FRMD4A: variants seen among roughly 807,000 people sequenced by gnomAD.
FRMD4A encodes FERM domain-containing protein 4A.
A neutral mutation model predicts 129.1 loss-of-function variants in FRMD4A; 29 were observed. The ratio of observed to expected loss-of-function variants is 0.22; its 90% CI spans 0.17 to 0.31. FRMD4A has a LOEUF of 0.31. Ranked by LOEUF, FRMD4A falls within the 10% of genes least tolerant of loss-of-function variation. The probability of loss-of-function intolerance (pLI) is 1.00; values close to 1 mark genes in which losing one functional copy is unlikely to be tolerated. For missense variants in FRMD4A, 1,272 were observed against 1,375.8 expected (o/e 0.92, Z 1.19); for synonymous variants, 634 against 571.6 (o/e 1.11, Z -1.56).
At chr10:13,728,573 C>CTGTTTTTTTTTTTTTTTTTTT in intron 12 of FRMD4A, among the ~76,000 whole-genome samples, 1 of 78,372 alleles carries the variant, frequency 1.3e-5, no homozygotes, top group Non-Finnish European at 2.4e-5. Context: ...GATTACCATT[C>CTGTTTTTTTTTTTTTTTTTTT]TTTTTTTTTT....
chr10:13,937,504 A>G (rs1198906143), intron 2 of FRMD4A, among the ~76,000 whole-genome samples: 2 of 152,224 alleles, frequency 1.3e-5, no homozygotes, highest in Admixed American at 1.3e-4. Flanking sequence ...GATCACCGAT[A>G]AAGAGGGGTG....
rs138752131 is a variant in FRMD4A, at chr10:14,075,464, C to G, written c.46-216552G>C. On this transcript the variant is annotated intron_variant, in intron 2 of 24. Coordinates refer to ENST00000357447, the MANE Select transcript of FRMD4A (RefSeq NM_018027.5). Reference sequence around the variant, plus strand: ...ACGTAGCCTTCCTGGGCACTAGGAACAGGGACAGAACTGGAACCTGTGCCT... The same window carrying G: ...ACGTAGCCTTCCTGGGCACTAGGAAGAGGGACAGAACTGGAACCTGTGCCT... Among the ~76,000 whole-genome samples the G allele has an allele frequency of 5.3e-5, 8 of 152,338 alleles. No individual in the cohort carries two copies. In the East Asian group the frequency reaches 1.5e-3, roughly 29 times the overall value.
At chr10:13,981,998 C>A (rs1407617811) in intron 2 of FRMD4A, among the ~76,000 whole-genome samples, 2 of 152,162 alleles carry the variant, frequency 1.3e-5, no homozygotes, top group Non-Finnish European at 2.9e-5. Context: ...CTCTCTCTGA[C>A]CTTTTCCCAT....
chr10:14,182,387 AAAT>A (rs1171312878), intron 2 of FRMD4A, among the ~76,000 whole-genome samples: 2 of 152,120 alleles, frequency 1.3e-5, no homozygotes, highest in African/African-American at 4.8e-5. Flanking sequence ...AAAAAATAAA[AAAT>A]AATAATAATA....
intron 2 of FRMD4A, among the ~76,000 whole-genome samples, chr10:14,207,105 G>A (rs181780744): frequency 2.0e-5 from 3 of 152,144 alleles, no homozygotes; most frequent in Non-Finnish European, 2.9e-5. Context: ...AGAGGGAAAT[G>A]GTTAGATAAG....
intron 15 of FRMD4A, chr10:13,685,323 G>T: frequency 5.1e-6 from 5 of 984,676 alleles, no homozygotes; most frequent in Non-Finnish European, 6.0e-6. Context: ...TGGCTCACTG[G>T]CACTCGGTGA....
intron 3 of FRMD4A, among the ~76,000 whole-genome samples, chr10:13,839,444 G>T (rs966814015): frequency 6.6e-6 from 1 of 152,164 alleles, no homozygotes; most frequent in Non-Finnish European, 1.5e-5. Flanking sequence ...CTGCCAACAG[G>T]ATTCCTGCCA....
chr10:14,042,723 G>T (rs967333535), intron 2 of FRMD4A, among the ~76,000 whole-genome samples: 2 of 151,960 alleles, frequency 1.3e-5, no homozygotes, highest in African/African-American at 4.8e-5. Flanking sequence ...AGCACTTTGG[G>T]AGGTCGAGAT....
At chr10:14,254,306 T>C (rs998152826) in intron 2 of FRMD4A, among the ~76,000 whole-genome samples, 49 of 152,252 alleles carry the variant, frequency 3.2e-4, no homozygotes, top group African/African-American at 1.2e-3. Flanking sequence ...TATGCATCTA[T>C]TGAGGATGAT....
chr10:14,133,242 A>G (rs76557759), intron 2 of FRMD4A, among the ~76,000 whole-genome samples: 3,658 of 152,298 alleles, frequency 0.024, 131 homozygotes, highest in African/African-American at 0.084. Context: ...CTTCAAGAAA[A>G]TACCACTTTG....
intron 16 of FRMD4A, among the ~76,000 whole-genome samples, chr10:13,674,083 A>G (rs2083756297): frequency 6.6e-6 from 1 of 152,154 alleles, no homozygotes; most frequent in African/African-American, 2.4e-5. Flanking sequence ...AAAATTTAAA[A>G]ATGTCATTAG....
At chr10:13,803,933 C>T (rs902781244) in intron 4 of FRMD4A, among the ~76,000 whole-genome samples, 12 of 152,202 alleles carry the variant, frequency 7.9e-5, no homozygotes, top group East Asian at 1.9e-4. Context: ...CAGCTCCCTC[C>T]GGTCATTTGC....
At position 13,845,290 on chromosome 10, in the gene FRMD4A, A is replaced by T. The variant is rs1244223031; in HGVS notation, c.111+13557T>A. ...ATGAGTTATATATGGCGTTGGAGGG[A>T]TGAGCAGTAATCACCAGTGTTCATG... On this transcript the variant is annotated intron_variant, in intron 3 of 24. Transcript: ENST00000357447. Among the ~76,000 whole-genome samples, 6 of 152,148 alleles carry T rather than the reference A, an allele frequency of 3.9e-5. No individual in the cohort carries two copies. In the East Asian group the frequency reaches 1.2e-3, roughly 29 times the overall value.
rs141750170 is a variant in FRMD4A, at chr10:14,097,528, G to A, written c.45+232530C>T. Among the ~76,000 whole-genome samples, 545 of 152,172 alleles carry A rather than the reference G, an allele frequency of 3.6e-3. 5 individuals are homozygous for A. The highest frequency in any genetic ancestry group is 0.011 in the African/African-American group (456 of 41,512). On this transcript the variant is annotated intron_variant, in intron 2 of 24. Transcript: ENST00000357447. ...CTGTCTGCCTTACCGAGGAGGAAAC[G>A]GAATTGCCCAAGGTTCAACAGCTAA...
intron 3 of FRMD4A, among the ~76,000 whole-genome samples, chr10:13,818,533 A>G (rs2093581564): frequency 6.6e-6 from 1 of 152,076 alleles, no homozygotes; most frequent in Non-Finnish European, 1.5e-5. Context: ...CTGCCTTCCT[A>G]AGAGTGTTAT....
intron 2 of FRMD4A, among the ~76,000 whole-genome samples, chr10:14,025,392 C>T (rs185155413): frequency 3.4e-4 from 52 of 151,932 alleles, no homozygotes; most frequent in African/African-American, 6.5e-4. Context: ...TGTACTGTTC[C>T]GTAGTGTTAA....
intron 12 of FRMD4A, among the ~76,000 whole-genome samples, chr10:13,716,168 T>C (rs1019395428): frequency 1.3e-5 from 2 of 152,208 alleles, no homozygotes; most frequent in Admixed American, 6.5e-5. Flanking sequence ...TCGTTTGTGC[T>C]GGAGTTTGCT....
intron 9 of FRMD4A, among the ~76,000 whole-genome samples, chr10:13,747,066 G>A (rs1448782527): frequency 6.6e-6 from 1 of 151,946 alleles, no homozygotes; most frequent in African/African-American, 2.4e-5. Flanking sequence ...CACACATGCT[G>A]TCATCAAATG....
chr10:14,064,168 G>A (rs1351534358), intron 2 of FRMD4A, among the ~76,000 whole-genome samples: 1 of 152,226 alleles, frequency 6.6e-6, no homozygotes, highest in African/African-American at 2.4e-5. Context: ...GTGGCCAAGT[G>A]TGTTGCCCTT....
Sources: allele counts gnomAD v4.1 joint callset (sites outside exome capture counted in the v4.1 genomes callset), GRCh38; gene constraint gnomAD v4.1.1; transcripts MANE v1.5; gene names NCBI Gene and HGNC (gene_info 2026-07-23, HGNC 2026-07-21).